NBPF14: variants seen among roughly 807,000 people sequenced by gnomAD.
NBPF14 encodes the protein NBPF family member NBPF14.
In NBPF14, 104 loss-of-function variants were observed where a neutral mutation model predicts 91.2. That is an observed-to-expected ratio of 1.14 (90% CI 0.97 to 1.34). NBPF14 has a LOEUF of 1.34. Among genes scored for constraint, NBPF14 ranks in the 40% most tolerant of loss-of-function variants. The pLI is 0.00. For synonymous variants in NBPF14, 294 were observed against 303.8 expected (o/e 0.97, Z 0.34); for missense variants, 908 against 783.0 (o/e 1.16, Z -1.91).
At chr1:148,542,038 TG>T in intron 59 of NBPF14, among the ~76,000 whole-genome samples, 199 bp from the exon 60 acceptor site, 1 of 70,452 alleles carries the variant, frequency 1.4e-5, no homozygotes, top group Admixed American at 1.4e-4. Flanking sequence ...GTGGGTAAAA[TG>T]TCCCTATTCT....
chr1:148,576,106 G>C (rs1659667167), intron 16 of NBPF14, among the ~76,000 whole-genome samples: 2 of 133,582 alleles, frequency 1.5e-5, no homozygotes, highest in Non-Finnish European at 3.1e-5. Flanking sequence ...GTGCCCTCGG[G>C]ACACACAGCG....
rs1445016840 is a variant in NBPF14 at position 148,576,128 on chromosome 1, T to C, written c.2078+282A>G. On this transcript the variant is annotated intron_variant, in intron 16 of 70. Coordinates refer to ENST00000619423, the Ensembl canonical transcript of NBPF14. ...CGGGACACACAGCGAACAGTGATCA[T>C]GAAAAGAGTGGGCTCAATAATTTTC... Among the ~76,000 whole-genome samples the C allele has an allele frequency of 2.7e-3, 317 of 115,850 alleles. 3 individuals are homozygous for C. The highest frequency in any genetic ancestry group is 0.011 in the African/African-American group (253 of 22,790). 76.0% of individuals were successfully genotyped at this position (115,850 alleles called of 152,430 possible).
Position 148,541,722 on chromosome 1 carries a change from G to T in NBPF14, c.7484+9C>A. ...ACAGAATTAAGCATCCACAATTGCT[G>T]AAAGTCACCTGGGGCATGGTGGGTT... is the stretch of plus-strand genomic sequence containing the variant. On this transcript the variant is annotated intron_variant, in intron 60 of 70. Coordinates refer to ENST00000619423, the Ensembl canonical transcript of NBPF14. 2.5e-5 allele frequency: 1 copy of T among 39,540 alleles called. No homozygotes were observed. Among genetic ancestry groups the T allele is most frequent in the Non-Finnish European group, 3.6e-5 (1 of 27,538 alleles). 2.4% of individuals were successfully genotyped at this position (39,540 alleles called of 1,614,324 possible). A position where few individuals can be genotyped will look rare whatever the true frequency, so the allele number is the denominator to read the frequency against.
At chr1:148,579,800 G>A (rs1660622950) in intron 12 of NBPF14, among the ~76,000 whole-genome samples, 1 of 152,148 alleles carries the variant, frequency 6.6e-6, no homozygotes, top group East Asian at 1.9e-4. Context: ...AGAAATCCCT[G>A]TTTGAGGGTC....
rs1461962958 is a variant in NBPF14, at chr1:148,557,749, G to A, written c.4955-207C>T. 9.7e-3 allele frequency among the ~76,000 whole-genome samples: 1,225 copies of A among 126,132 alleles called. 186 individuals are homozygous for A. The highest frequency in any genetic ancestry group is 0.012 in the Non-Finnish European group (773 of 63,468). The allele number at this position is 126,132 out of a possible 152,430, so 82.7% of individuals were successfully genotyped here. ...CCAAGGGTGAAATATCCCCATTCTG[G>A]TAGATCGTTATCCCAAAATCATTTA... On this transcript the variant is annotated intron_variant, in intron 39 of 70. Transcript: ENST00000619423.
chr1:148,576,104 G>C (rs1177868436), intron 16 of NBPF14, among the ~76,000 whole-genome samples: 1 of 134,924 alleles, frequency 7.4e-6, no homozygotes, highest in African/African-American at 3.0e-5. Flanking sequence ...TAGTGCCCTC[G>C]GGACACACAG....
At chr1:148,534,197 A>G (rs1167677389) in intron 69 of NBPF14, among the ~76,000 whole-genome samples, 3 of 150,360 alleles carry the variant, frequency 2.0e-5, no homozygotes, top group Non-Finnish European at 4.4e-5. Flanking sequence ...CGTTATCCCA[A>G]TATCATTTGT....
chr1:148,561,805 A>C (rs1196536318), intron 34 of NBPF14, among the ~76,000 whole-genome samples: 1 of 135,848 alleles, frequency 7.4e-6, no homozygotes, highest in Admixed American at 6.9e-5. Context: ...ACACACAAAC[A>C]CACACACACA....
intron 4 of NBPF14, 66 bp from the exon 5 acceptor site, chr1:148,591,570 C>G: frequency 6.2e-7 from 1 of 1,604,544 alleles, no homozygotes; most frequent in Non-Finnish European, 8.5e-7. Flanking sequence ...GTCAGCCCAA[C>G]GTGCACAGAG....
intron 6 of NBPF14, among the ~76,000 whole-genome samples, chr1:148,589,774 G>A (rs1265555331): frequency 2.1e-5 from 3 of 143,628 alleles, no homozygotes; most frequent in Admixed American, 7.0e-5. Flanking sequence ...ACTCTGTCAC[G>A]CAGGCTGCAG....
exon 69 of NBPF14, chr1:148,534,830 T>G (rs1553332517): frequency 8.9e-7 from 1 of 1,127,002 alleles, no homozygotes; most frequent in South Asian, 1.2e-5. Context: ...TTCAGGATCT[T>G]TCTCATCCAG....
Position 148,557,839 on chromosome 1 carries a change from G to T in NBPF14, c.4955-297C>A, listed in dbSNP as rs1298868597. ...TCAGTTCAAAGAAAATGCCCCAGAT[G>T]ATTTCCAGGAGGAAAACTAAAGTAT... On this transcript the variant is annotated intron_variant, in intron 39 of 70. Coordinates refer to ENST00000619423, the Ensembl canonical transcript of NBPF14. Among the ~76,000 whole-genome samples, 5 of 87,470 alleles carry T rather than the reference G, an allele frequency of 5.7e-5. 1 individual carries two copies. The East Asian group carries it at 1.7e-3, about 31-fold the overall frequency. The allele number at this position is 87,470 out of a possible 152,430, so 57.4% of individuals were successfully genotyped here.
intron 70 of NBPF14, among the ~76,000 whole-genome samples, chr1:148,533,545 C>A (rs1443830498): frequency 6.7e-6 from 1 of 149,940 alleles, no homozygotes; most frequent in Admixed American, 6.7e-5. Flanking sequence ...GAGTTAGTGC[C>A]CTCATGACAC....
rs1479879013 is a variant in NBPF14 at position 148,559,421 on chromosome 1, A to G, written c.4730-349T>C. Among the ~76,000 whole-genome samples, 2 of 133,922 alleles carry G rather than the reference A, an allele frequency of 1.5e-5. 1 individual carries two copies. Among genetic ancestry groups the G allele is most frequent in the African/African-American group, 7.1e-5 (2 of 28,148 alleles). The allele number at this position is 133,922 out of a possible 152,430, so 87.9% of individuals were successfully genotyped here. A position where few individuals can be genotyped will look rare whatever the true frequency, so the allele number is the denominator to read the frequency against. ...CACTATTCACCCTGTCTCATCAAATACTCAGATTGTTCATGGTAGCGAGGA... is the reference window on the plus strand; with the variant it reads ...CACTATTCACCCTGTCTCATCAAATGCTCAGATTGTTCATGGTAGCGAGGA... On this transcript the variant is annotated intron_variant, in intron 37 of 70. Coordinates refer to ENST00000619423, the Ensembl canonical transcript of NBPF14.
At chr1:148,580,380 CGAGAA>C (rs1357955732) in intron 12 of NBPF14, among the ~76,000 whole-genome samples, 5 of 77,288 alleles carry the variant, frequency 6.5e-5, no homozygotes, top group South Asian at 5.0e-4. Flanking sequence ...TGAAATGAAG[CGAGAA>C]GAGAAGTTTA....
chr1:148,559,391 A>G, intron 37 of NBPF14, among the ~76,000 whole-genome samples: 1 of 133,858 alleles, frequency 7.5e-6, no homozygotes, highest in Admixed American at 7.2e-5. Flanking sequence ...CTAGGAGAAA[A>G]ACTGCACTAT....
At position 148,577,226 on chromosome 1, in the gene NBPF14, A is replaced by C. The variant is rs1165805904; in HGVS notation, c.1983T>G (p.Tyr661Ter). The C allele has an allele frequency of 7.3e-6, 5 of 682,084 alleles. No homozygotes were observed. In the East Asian group the frequency reaches 1.1e-4, roughly 15 times the overall value. The allele number at this position is 682,084 out of a possible 1,614,324, so 42.3% of individuals were successfully genotyped here. A position where few individuals can be genotyped will look rare whatever the true frequency, so the allele number is the denominator to read the frequency against. ...AGCCAACACGCTGTTGCTCCAATAC[A>C]TAAAAGGCACTTCTGTAGGGCTGGC... Residue 661 changes from tyrosine to a stop codon, truncating the protein, a stop_gained, in exon 15 of 71, where the codon TAT becomes TAG. Coordinates refer to ENST00000619423, the Ensembl canonical transcript of NBPF14. LOFTEE classifies it high-confidence loss of function.
intron 37 of NBPF14, among the ~76,000 whole-genome samples, 159 bp from the exon 38 acceptor site, chr1:148,559,231 A>T (rs1657132294): frequency 8.6e-6 from 1 of 115,922 alleles, no homozygotes; most frequent in Admixed American, 8.3e-5. Flanking sequence ...GCTGATCACC[A>T]TAGAGATTCC....
exon 29 of NBPF14, chr1:148,566,178 T>G: frequency 1.8e-6 from 1 of 541,612 alleles, no homozygotes; most frequent in South Asian, 1.8e-5. Flanking sequence ...ATGTTTTTCC[T>G]CCAATGCATA....
Sources: gnomAD v4.1 joint callset for allele counts (sites outside exome capture counted in the v4.1 genomes callset) on GRCh38, gnomAD v4.1.1 for gene constraint, MANE v1.5 for transcripts, NCBI Gene and HGNC (gene_info 2026-07-23, HGNC 2026-07-21) for gene names.